COL5A2: variants seen among roughly 807,000 people sequenced by gnomAD.
COL5A2 encodes collagen type V alpha 2 chain.
A neutral mutation model predicts 208.2 loss-of-function variants in COL5A2; 23 were observed. The observed-to-expected ratio is 0.11, with a 90% confidence interval of 0.08 to 0.16. The LOEUF is 0.16. Ranked by LOEUF, COL5A2 falls within the 10% of genes least tolerant of loss-of-function variation. The pLI, the probability that COL5A2 is intolerant of heterozygous loss-of-function variation, is 1.00. For missense variants in COL5A2, 1,590 were observed against 1,956.4 expected, an observed-to-expected ratio of 0.81 and a Z score of 3.53; for synonymous variants, 625 against 628.5, an observed-to-expected ratio of 0.99 and a Z score of 0.08.
At chr2:189,343,726 G>A in the COL5A2 span, among the ~76,000 whole-genome samples, 5 of 152,032 alleles carry the variant, frequency 3.3e-5, no homozygotes, top group African/African-American at 1.2e-4. Context: ...TAAATCCATG[G>A]GTATTTTTGC....
the COL5A2 span, among the ~76,000 whole-genome samples, chr2:189,324,877 T>C: frequency 6.6e-5 from 10 of 152,282 alleles, no homozygotes; most frequent in South Asian, 4.1e-4. Context: ...CATATGTCTA[T>C]TGCGGCACTA....
At chr2:189,191,975 T>A (rs780020831) in intron 1 of COL5A2, among the ~76,000 whole-genome samples, 5 of 152,028 alleles carry the variant, frequency 3.3e-5, no homozygotes, top group East Asian at 1.9e-4. Flanking sequence ...CCAAAAGACA[T>A]AGCTCAAGAA....
At chr2:189,066,273 C>A (rs1686146193) in intron 23 of COL5A2, 117 bp downstream of exon 23, 1 of 947,836 alleles carries the variant, frequency 1.1e-6, no homozygotes, top group African/African-American at 1.6e-5. Context: ...CTGTACTGAA[C>A]TGTGCAGGGA....
At chr2:189,347,092 G>A in the COL5A2 span, among the ~76,000 whole-genome samples, 2 of 152,142 alleles carry the variant, frequency 1.3e-5, no homozygotes, top group African/African-American at 4.8e-5. Context: ...GCTGCCAAGG[G>A]AATCAGAGGT....
the COL5A2 span, among the ~76,000 whole-genome samples, chr2:189,320,368 G>A: frequency 5.9e-5 from 9 of 152,278 alleles, no homozygotes; most frequent in African/African-American, 9.6e-5. Flanking sequence ...AAACGTCTCC[G>A]AGCTAAAGGG....
At chr2:189,222,747 A>C (rs1242201360) in intron 1 of COL5A2, among the ~76,000 whole-genome samples, 1 of 152,200 alleles carries the variant, frequency 6.6e-6, no homozygotes, top group Non-Finnish European at 1.5e-5. Context: ...CAGAAGGGGC[A>C]GTTGTGTTTG....
intron 1 of COL5A2, among the ~76,000 whole-genome samples, chr2:189,207,042 T>C (rs1689151684): frequency 6.6e-6 from 1 of 152,232 alleles, no homozygotes; most frequent in Non-Finnish European, 1.5e-5. Context: ...TTGGATTTTA[T>C]GCAAAAGACT....
At chr2:189,336,100 T>C in the COL5A2 span, among the ~76,000 whole-genome samples, 2 of 151,978 alleles carry the variant, frequency 1.3e-5, no homozygotes, top group African/African-American at 2.4e-5. Context: ...AGACACCTCA[T>C]AAAGAAAGAC....
intron 40 of COL5A2, among the ~76,000 whole-genome samples, 164 bp downstream of exon 40, chr2:189,052,585 C>A (rs1474462895): frequency 6.6e-6 from 1 of 152,138 alleles, no homozygotes. Flanking sequence ...TGATTTTAAC[C>A]CAAATCTCCA....
At chr2:189,248,094 C>T in the COL5A2 span, among the ~76,000 whole-genome samples, 2 of 152,182 alleles carry the variant, frequency 1.3e-5, no homozygotes, top group African/African-American at 4.8e-5. Flanking sequence ...ATAGTTCTTA[C>T]TACTAGCTCT....
chr2:189,366,021 C>G, the COL5A2 span, among the ~76,000 whole-genome samples: 2 of 152,132 alleles, frequency 1.3e-5, no homozygotes, highest in Admixed American at 6.6e-5. Flanking sequence ...CCTACACTTT[C>G]CTTCTCCTCA....
At chr2:189,326,882 C>CTT in the COL5A2 span, among the ~76,000 whole-genome samples, 1 of 151,790 alleles carries the variant, frequency 6.6e-6, no homozygotes, top group Non-Finnish European at 1.5e-5. Context: ...ACCAGCCTGT[C>CTT]CAGCATGGTG....
the COL5A2 span, among the ~76,000 whole-genome samples, chr2:189,242,069 G>C: frequency 6.6e-6 from 1 of 151,990 alleles, no homozygotes; most frequent in Admixed American, 6.5e-5. Flanking sequence ...TTTTCTTATT[G>C]ACTTATAAAG....
chr2:189,070,602 T>C (rs577984576), intron 18 of COL5A2, among the ~76,000 whole-genome samples: 32 of 152,240 alleles, frequency 2.1e-4, no homozygotes, highest in Non-Finnish European at 4.1e-4. Flanking sequence ...GAGTGAATGG[T>C]TGTGTAAACT....
chr2:189,278,147 T>C, the COL5A2 span, among the ~76,000 whole-genome samples: 7 of 152,116 alleles, frequency 4.6e-5, no homozygotes, highest in African/African-American at 1.7e-4. Context: ...AATCACAATC[T>C]GATAGTGTTT....
rs1044342312 is a variant in COL5A2 at position 189,144,032 on chromosome 2, A to T, written c.98-33583T>A. On this transcript the variant is annotated intron_variant, in intron 1 of 53. Coordinates refer to ENST00000374866, the MANE Select transcript of COL5A2 (RefSeq NM_000393.5). Reference sequence around the variant, plus strand: ...AATCTGTTTCCCAGATCTTTAGAGGAGGAAAAAAAAGAAACAACGTAGTGT... The same window carrying T: ...AATCTGTTTCCCAGATCTTTAGAGGTGGAAAAAAAAGAAACAACGTAGTGT... Among the ~76,000 whole-genome samples, 3 of 152,122 alleles carry T rather than the reference A, an allele frequency of 2.0e-5. No individual in the cohort carries two copies. In the East Asian group the frequency reaches 5.8e-4, roughly 29 times the overall value.
At chr2:189,265,526 C>G in the COL5A2 span, among the ~76,000 whole-genome samples, 3 of 152,136 alleles carry the variant, frequency 2.0e-5, no homozygotes, top group Non-Finnish European at 2.9e-5. Context: ...TAGGGCCCAT[C>G]CTAATCCAGT....
chr2:189,299,314 G>T, the COL5A2 span, among the ~76,000 whole-genome samples: 2 of 152,092 alleles, frequency 1.3e-5, no homozygotes, highest in African/African-American at 4.8e-5. Context: ...AATTTAAAGA[G>T]GTCCTGATTG....
At chr2:189,096,663 A>G (rs1686923180) in intron 6 of COL5A2, among the ~76,000 whole-genome samples, 1 of 151,890 alleles carries the variant, frequency 6.6e-6, no homozygotes, top group Admixed American at 6.6e-5. Flanking sequence ...TAACTCTAAC[A>G]CTTGAGAACA....
Sources: gnomAD v4.1 joint callset for allele counts (sites outside exome capture counted in the v4.1 genomes callset) on GRCh38, gnomAD v4.1.1 for gene constraint, MANE v1.5 for transcripts, NCBI Gene and HGNC (gene_info 2026-07-23, HGNC 2026-07-21) for gene names.